Variants in ABCA13 observed in about 807,000 individuals in gnomAD.
ABCA13 encodes the protein ATP binding cassette subfamily A member 13, also known as ATP-binding cassette sub-family A member 13.
A neutral mutation model predicts 478.7 loss-of-function variants in ABCA13; 476 were observed. The observed-to-expected ratio is 0.99, with a 90% confidence interval of 0.92 to 1.07. The LOEUF (loss-of-function observed/expected upper bound fraction) is 1.07, where lower values mean the gene tolerates loss of function less well. Among genes scored for constraint, ABCA13 ranks in the 50% least tolerant of loss-of-function variants. ABCA13 has a pLI of 0.00. For synonymous variants in ABCA13, 2,252 were observed against 2,158.9 expected (o/e 1.04, Z -1.20); for missense variants, 6,060 against 5,910.6 (o/e 1.03, Z -0.83).
At chr7:48,608,705 C>T (rs945643312) in intron 58 of ABCA13, among the ~76,000 whole-genome samples, 6 of 152,324 alleles carry the variant, frequency 3.9e-5, no homozygotes, top group African/African-American at 7.2e-5. Flanking sequence ...TGCATGTTTT[C>T]GAAACTAGGG....
chr7:48,240,851 G>T lies in ABCA13; in HGVS notation c.1063-16G>T. 3 of 1,482,634 alleles carry T rather than the reference G, an allele frequency of 2.0e-6. No individual in the cohort carries two copies. Among genetic ancestry groups the T allele is most frequent in the Admixed American group, 2.4e-5 (1 of 42,366 alleles). 91.8% of individuals were successfully genotyped at this position (1,482,634 alleles called of 1,614,324 possible). A position where few individuals can be genotyped will look rare whatever the true frequency, so the allele number is the denominator to read the frequency against. On this transcript the variant is annotated splice_polypyrimidine_tract_variant and intron_variant, in intron 9 of 61. Transcript: ENST00000435803. ...TGCTATTATTAATGCTAGTATTTTG[G>T]TTTCCGAATTTGTAGGTGTTTGTTC...
chr7:48,472,020 T>G (rs1827555405), intron 45 of ABCA13, among the ~76,000 whole-genome samples: 1 of 152,326 alleles, frequency 6.6e-6, no homozygotes, highest in South Asian at 2.1e-4. Context: ...CTATGGTTGA[T>G]TCTTACAAAA....
chr7:48,486,157 G>A (rs11981491), intron 47 of ABCA13, among the ~76,000 whole-genome samples: 25,061 of 152,082 alleles, frequency 0.16, 2,267 homozygotes, highest in East Asian at 0.29. Context: ...AAATTAATTA[G>A]TGGCATTTGG....
chr7:48,444,165 A>G (rs888985894), intron 42 of ABCA13, among the ~76,000 whole-genome samples: 1 of 152,096 alleles, frequency 6.6e-6, no homozygotes, highest in Non-Finnish European at 1.5e-5. Context: ...CTCACTATGG[A>G]TTATACATGC....
intron 59 of ABCA13, among the ~76,000 whole-genome samples, chr7:48,623,348 T>C (rs1291436499): frequency 6.6e-6 from 1 of 152,194 alleles, no homozygotes; most frequent in Non-Finnish European, 1.5e-5. Context: ...TTTGTATCTA[T>C]GTCTGAGAAA....
chr7:48,309,455 T>TA (rs1324337463), intron 23 of ABCA13, among the ~76,000 whole-genome samples: 1 of 152,076 alleles, frequency 6.6e-6, no homozygotes, highest in Non-Finnish European at 1.5e-5. Context: ...GTACTTGCTT[T>TA]AAAAAAATAT....
intron 3 of ABCA13, among the ~76,000 whole-genome samples, chr7:48,215,167 A>G (rs1052030460): frequency 1.2e-4 from 18 of 152,318 alleles, no homozygotes; most frequent in African/African-American, 4.3e-4. Context: ...TTAAAGTGAC[A>G]GACATGTGAC....
chr7:48,309,667 G>A (rs995100504), intron 23 of ABCA13, among the ~76,000 whole-genome samples: 3 of 152,242 alleles, frequency 2.0e-5, no homozygotes, highest in Non-Finnish European at 2.9e-5. Flanking sequence ...AGTGAGCCTC[G>A]TGGAGAGCAG....
intron 12 of ABCA13, 64 bp from the exon 13 acceptor site, chr7:48,245,798 GC>G: frequency 6.7e-7 from 1 of 1,502,072 alleles, no homozygotes; most frequent in Middle Eastern, 1.8e-4. Context: ...CAGTTCTTGA[GC>G]CCATGAAGAG....
Position 48,273,464 on chromosome 7 carries a change from G to T in ABCA13, c.3798G>T (p.Gln1266His). 1 of 1,611,024 alleles carries T rather than the reference G, an allele frequency of 6.2e-7. No homozygotes were observed. Among genetic ancestry groups the T allele is most frequent in the Non-Finnish European group, 8.5e-7 (1 of 1,178,350 alleles). Residue 1266 changes from glutamine (Q) to histidine (H), a missense_variant, in exon 17 of 62, where the codon CAG (glutamine) becomes CAT (histidine). Coordinates refer to ENST00000435803, the MANE Select transcript of ABCA13 (RefSeq NM_152701.5). ...SLFTMEAALH[Q>H]LKTFPFNEST... Reference sequence around the variant, plus strand: ...TCACCATGGAAGCTGCCCTGCATCAGTTGAAGACATTTCCATTCAACGAAA... The same window carrying T: ...TCACCATGGAAGCTGCCCTGCATCATTTGAAGACATTTCCATTCAACGAAA...
chr7:48,233,541 GA>G (rs1789487899), intron 7 of ABCA13, among the ~76,000 whole-genome samples: 1 of 152,088 alleles, frequency 6.6e-6, no homozygotes, highest in East Asian at 1.9e-4. Flanking sequence ...TAATTATTGA[GA>G]ATACAGTTTT....
At chr7:48,638,117 T>G (rs565178465) in intron 59 of ABCA13, among the ~76,000 whole-genome samples, 4 of 152,148 alleles carry the variant, frequency 2.6e-5, no homozygotes, top group Non-Finnish European at 5.9e-5. Context: ...TGAAGGATAC[T>G]CTTAGATGCG....
intron 41 of ABCA13, among the ~76,000 whole-genome samples, chr7:48,424,119 G>A (rs1008472131): frequency 3.3e-5 from 5 of 152,214 alleles, no homozygotes; most frequent in Non-Finnish European, 7.3e-5. Context: ...AAATTGGAAA[G>A]TGTAGCCAGG....
chr7:48,186,608 T>C (rs1342504749), intron 1 of ABCA13, among the ~76,000 whole-genome samples: 1 of 152,116 alleles, frequency 6.6e-6, no homozygotes, highest in Non-Finnish European at 1.5e-5. Flanking sequence ...CACTAGTTAC[T>C]TAAATATAGC....
At chr7:48,315,120 G>A (rs758158209) in intron 26 of ABCA13, among the ~76,000 whole-genome samples, 13 of 152,304 alleles carry the variant, frequency 8.5e-5, no homozygotes, top group Admixed American at 2.0e-4. Flanking sequence ...CATTTATAAC[G>A]TAGAAACAGT....
chr7:48,432,557 A>G (rs1822287383), intron 42 of ABCA13, among the ~76,000 whole-genome samples: 2 of 152,214 alleles, frequency 1.3e-5, no homozygotes, highest in African/African-American at 4.8e-5. Context: ...TAGCCAAGAC[A>G]TGGAATCAAC....
At chr7:48,410,907 T>C (rs1218540594) in intron 40 of ABCA13, among the ~76,000 whole-genome samples, 1 of 152,220 alleles carries the variant, frequency 6.6e-6, no homozygotes, top group Non-Finnish European at 1.5e-5. Context: ...AATTACCTGA[T>C]AGATAACAGG....
chr7:48,297,838 G>A lies in ABCA13; in HGVS notation c.9199+527G>A, dbSNP rs541705557. 2.7e-5 allele frequency among the ~76,000 whole-genome samples: 4 copies of A among 149,444 alleles called. No individual in the cohort carries two copies. The East Asian group carries it at 7.8e-4, about 29-fold the overall frequency. The stretch of plus-strand genomic sequence containing the variant: ...TCACCCAGCTGGAGTACAGTGGCGT[G>A]ATCTCGGCTCACTGCAACCTCCGCC... On this transcript the variant is annotated intron_variant, in intron 22 of 61. Coordinates refer to ENST00000435803, the MANE Select transcript of ABCA13 (RefSeq NM_152701.5).
intron 15 of ABCA13, among the ~76,000 whole-genome samples, chr7:48,263,126 C>T (rs1794413310): frequency 6.6e-6 from 1 of 151,866 alleles, no homozygotes; most frequent in Admixed American, 6.6e-5. Flanking sequence ...TCATCTGGAT[C>T]TTGTTAGATA....
Sources: gnomAD v4.1 joint callset for allele counts (sites outside exome capture counted in the v4.1 genomes callset) on GRCh38, gnomAD v4.1.1 for gene constraint, MANE v1.5 for transcripts, NCBI Gene and HGNC (gene_info 2026-07-23, HGNC 2026-07-21) for gene names.